Variants in UVSSA observed in about 807,000 individuals in gnomAD.
UVSSA encodes UV stimulated scaffold protein A.
A neutral mutation model predicts 73.9 loss-of-function variants in UVSSA; 72 were observed. The ratio of observed to expected loss-of-function variants is 0.97; its 90% CI spans 0.81 to 1.19. UVSSA has a LOEUF of 1.19. Among genes scored for constraint, UVSSA ranks in the 50% most tolerant of loss-of-function variants. The pLI is 0.00. For missense variants in UVSSA, 1,150 were observed against 965.0 expected, an observed-to-expected ratio of 1.19 and a Z score of -2.54; for synonymous variants, 454 against 391.3, an observed-to-expected ratio of 1.16 and a Z score of -1.89.
chr4:1,377,438 A>G (rs1247707999), intron 10 of UVSSA, among the ~76,000 whole-genome samples: 1 of 152,022 alleles, frequency 6.6e-6, no homozygotes, highest in African/African-American at 2.4e-5. Flanking sequence ...CAGATTAGGG[A>G]CAGTGTGAGG....
rs1720081575 is a variant in UVSSA at position 1,385,997 on chromosome 4, C to G, written c.*36C>G. The stretch of plus-strand genomic sequence containing the variant: ...CCAGTGCACTGGCCATCAGCACTTT[C>G]TCCCTCTGCCAGTGTCTCAGGACAG... On this transcript the variant is annotated 3_prime_UTR_variant, in exon 14 of 14. Transcript: ENST00000389851. The G allele has an allele frequency of 6.2e-7, 1 of 1,605,944 alleles. No homozygotes were observed. The highest frequency in any genetic ancestry group is 1.3e-5 in the African/African-American group (1 of 74,764).
intron 10 of UVSSA, among the ~76,000 whole-genome samples, chr4:1,378,642 G>A (rs974797106): frequency 3.3e-5 from 5 of 152,156 alleles, no homozygotes; most frequent in Non-Finnish European, 5.9e-5. Flanking sequence ...CCCGTGGTGT[G>A]GCTGCTGTGC....
At chr4:1,355,076 GC>G in intron 6 of UVSSA, 40 bp from the exon 7 acceptor site, 3 of 1,605,508 alleles carry the variant, frequency 1.9e-6, no homozygotes, top group Non-Finnish European at 2.6e-6. Flanking sequence ...CCCAGGTCCT[GC>G]CCGGCCGGCC....
exon 14 of UVSSA, chr4:1,393,853 CT>C: frequency 6.2e-6 from 1 of 160,668 alleles, no homozygotes; most frequent in Non-Finnish European, 1.4e-5. Flanking sequence ...TTGCTGTTAC[CT>C]TTTGTTTAGT....
At chr4:1,379,285 CA>C (rs1244593524) in intron 10 of UVSSA, among the ~76,000 whole-genome samples, 1 of 152,238 alleles carries the variant, frequency 6.6e-6, no homozygotes, top group Admixed American at 6.5e-5. Context: ...GGTGGCAGCA[CA>C]GGGGCAGTCT....
upstream of UVSSA, among the ~76,000 whole-genome samples, chr4:1,342,772 A>G (rs1309472182): frequency 1.3e-5 from 2 of 152,242 alleles, no homozygotes; most frequent in African/African-American, 4.8e-5. Flanking sequence ...CGTTGGCTCC[A>G]TTAGAAAAAA....
chr4:1,368,638 C>A (rs1266543408), intron 8 of UVSSA, among the ~76,000 whole-genome samples: 1 of 152,248 alleles, frequency 6.6e-6, no homozygotes, highest in African/African-American at 2.4e-5. Flanking sequence ...TGACACAGCC[C>A]TGCTGCAGGT....
chr4:1,350,826 G>C (rs750926357), intron 3 of UVSSA, among the ~76,000 whole-genome samples: 20 of 151,836 alleles, frequency 1.3e-4, no homozygotes, highest in Non-Finnish European at 2.5e-4. Context: ...GGCCACGCAT[G>C]GGTGCTGTCT....
intron 9 of UVSSA, 101 bp from the exon 10 acceptor site, chr4:1,375,933 G>C: frequency 4.6e-6 from 7 of 1,512,408 alleles, no homozygotes; most frequent in Non-Finnish European, 6.2e-6. Flanking sequence ...CACCTGATCC[G>C]ACCCGAGGCC....
chr4:1,342,786 C>T (rs1305120426), upstream of UVSSA, among the ~76,000 whole-genome samples: 1 of 152,218 alleles, frequency 6.6e-6, no homozygotes, highest in Non-Finnish European at 1.5e-5. Context: ...GAAAAAATTC[C>T]TGGCTGTGTT....
chr4:1,360,221 A>G (rs1431376524), intron 7 of UVSSA, among the ~76,000 whole-genome samples: 1 of 152,220 alleles, frequency 6.6e-6, no homozygotes, highest in Non-Finnish European at 1.5e-5. Context: ...GAGTCAGCAC[A>G]GGGAACACGG....
Position 1,349,710 on chromosome 4 carries a change from C to G in UVSSA, c.285C>G (p.Pro95=). Residue 95 remains proline, a synonymous_variant, in exon 3 of 14, where the codon CCC becomes CCG. Transcript: ENST00000389851. Reference sequence around the variant, plus strand: ...TGGAGCTCACGCTGGGCACAGACCCCGCACAGCCTCTGCCGCCCCCCAGGG... The same window carrying G: ...TGGAGCTCACGCTGGGCACAGACCCGGCACAGCCTCTGCCGCCCCCCAGGG... ...EFLELTLGTD[P]AQPLPPPREA... 6.2e-7 allele frequency: 1 copy of G among 1,613,930 alleles called. No homozygotes were observed.
At chr4:1,351,296 C>G (rs1307182902) in intron 3 of UVSSA, among the ~76,000 whole-genome samples, 1 of 151,942 alleles carries the variant, frequency 6.6e-6, no homozygotes, top group Non-Finnish European at 1.5e-5. Flanking sequence ...AATCTCCTGA[C>G]CTTGTGACCC....
In UVSSA at chr4:1,385,989, A is replaced by T; in HGVS notation, c.*28A>T. 6.2e-7 allele frequency: 1 copy of T among 1,609,804 alleles called. No homozygotes were observed. The highest frequency in any genetic ancestry group is 8.5e-7 in the Non-Finnish European group (1 of 1,176,322). On this transcript the variant is annotated 3_prime_UTR_variant, in exon 14 of 14. Coordinates refer to ENST00000389851, the MANE Select transcript of UVSSA (RefSeq NM_020894.4). ...AGCGGGGCCCAGTGCACTGGCCATC[A>T]GCACTTTCTCCCTCTGCCAGTGTCT...
chr4:1,367,065 C>T (rs994576827), intron 8 of UVSSA, among the ~76,000 whole-genome samples: 1 of 152,242 alleles, frequency 6.6e-6, no homozygotes, highest in Non-Finnish European at 1.5e-5. Flanking sequence ...TCGCTCCTCA[C>T]CGCTGGTGAT....
rs148256082 is a variant in UVSSA at position 1,395,329 on chromosome 4, C to T, written c.*9368C>T. On this transcript the variant is annotated 3_prime_UTR_variant, in exon 14 of 14. Coordinates refer to the UVSSA transcript ENST00000511216. ...CCCATGTGGAGTGCCCGCCTGCTCACGTGCCGATGTGGGGTGCCCGCCTGC... is the reference window on the plus strand; with the variant it reads ...CCCATGTGGAGTGCCCGCCTGCTCATGTGCCGATGTGGGGTGCCCGCCTGC... The T allele has an allele frequency of 1.0e-4, 162 of 1,554,818 alleles. 2 individuals are homozygous for T. The African/African-American group carries it at 1.5e-3, about 15-fold the overall frequency.
At chr4:1,390,112 A>C (rs1384567519), downstream of UVSSA, 3 of 152,128 alleles carry the variant, frequency 2.0e-5, no homozygotes, top group African/African-American at 7.2e-5. Context: ...TGTAGCTATA[A>C]ATTTTTATCT....
In UVSSA at chr4:1,353,395, G is replaced by T. The variant is rs971017241; in HGVS notation, c.916G>T (p.Asp306Tyr). Residue 306 changes from aspartate to tyrosine, a missense_variant, in exon 5 of 14, where the codon GAT (aspartate) becomes TAT (tyrosine). Transcript: ENST00000389851. ...HGLGSHKYTL[D>Y]VELCSEGLKV... ...GCTGGGCTCGCACAAGTACACGCTG[G>T]ATGTGGAGCTCTGCTCAGGTAACTG... The T allele has an allele frequency of 1.3e-6, 2 of 1,576,796 alleles. No homozygotes were observed. The highest frequency in any genetic ancestry group is 1.7e-6 in the Non-Finnish European group (2 of 1,160,966).
At chr4:1,366,511 C>A in intron 8 of UVSSA, 80 bp downstream of exon 8, 2 of 1,035,064 alleles carry the variant, frequency 1.9e-6, no homozygotes, top group Non-Finnish European at 1.4e-6. Flanking sequence ...GTCATGACCT[C>A]AGGGGCAGGG....
Sources: allele counts gnomAD v4.1 joint callset (sites outside exome capture counted in the v4.1 genomes callset), GRCh38; gene constraint gnomAD v4.1.1; transcripts MANE v1.5; gene names NCBI Gene and HGNC (gene_info 2026-07-23, HGNC 2026-07-21).